PCDH15: variants seen among roughly 807,000 people sequenced by gnomAD.
PCDH15 encodes the protein protocadherin-15.
PCDH15 carries 129 observed loss-of-function variants against 178.5 expected under a neutral mutation model. The ratio of observed to expected loss-of-function variants is 0.72; its 90% CI spans 0.63 to 0.84. The LOEUF is 0.84. PCDH15 is among the 40% of genes least tolerant of loss of function. The pLI is 0.00. For missense variants in PCDH15, 2,230 were observed against 2,099.9 expected, an observed-to-expected ratio of 1.06 and a Z score of -1.21; for synonymous variants, 800 against 732.0, an observed-to-expected ratio of 1.09 and a Z score of -1.50.
intron 5 of PCDH15, among the ~76,000 whole-genome samples, chr10:54,359,120 C>G (rs558973891): frequency 6.6e-6 from 1 of 151,812 alleles, no homozygotes; most frequent in South Asian, 2.1e-4. Context: ...TGTAACTAAC[C>G]TGCACATTGT....
At chr10:55,008,774 G>A (rs1839986280) in intron 2 of PCDH15, among the ~76,000 whole-genome samples, 1 of 151,950 alleles carries the variant, frequency 6.6e-6, no homozygotes, top group African/African-American at 2.4e-5. Flanking sequence ...TTGGTGATTA[G>A]TCAAATAATT....
chr10:55,175,599 G>A (rs1016974646), intron 1 of PCDH15, among the ~76,000 whole-genome samples: 2 of 146,942 alleles, frequency 1.4e-5, no homozygotes, highest in South Asian at 4.2e-4. Context: ...CCGGGAGGCA[G>A]AGGTTGCAGT....
At chr10:54,451,234 A>G (rs2076459597) in intron 3 of PCDH15, among the ~76,000 whole-genome samples, 1 of 151,874 alleles carries the variant, frequency 6.6e-6, no homozygotes, top group Non-Finnish European at 1.5e-5. Flanking sequence ...GCACTTGGAA[A>G]CTATTTATAA....
At chr10:54,143,580 C>A (rs1564522932) in intron 14 of PCDH15, among the ~76,000 whole-genome samples, 1 of 152,096 alleles carries the variant, frequency 6.6e-6, no homozygotes, top group Non-Finnish European at 1.5e-5. Context: ...AGATTGTTAA[C>A]CCAACATGAA....
chr10:55,082,879 A>C (rs1842077848), intron 2 of PCDH15, among the ~76,000 whole-genome samples: 1 of 151,962 alleles, frequency 6.6e-6, no homozygotes, highest in South Asian at 2.1e-4. Context: ...GGCCAATAGC[A>C]AGTAATGAGA....
At chr10:55,316,307 T>C (rs1268355901) in intron 1 of PCDH15, among the ~76,000 whole-genome samples, 1 of 152,096 alleles carries the variant, frequency 6.6e-6, no homozygotes, top group African/African-American at 2.4e-5. Flanking sequence ...CACAAAGAGA[T>C]TCACAACCTA....
chr10:53,840,068 C>T (rs1186397739), intron 29 of PCDH15, among the ~76,000 whole-genome samples: 4 of 152,140 alleles, frequency 2.6e-5, no homozygotes, highest in Non-Finnish European at 5.9e-5. Flanking sequence ...GGAGCTGTTC[C>T]TTGTTCTTAA....
intron 13 of PCDH15, among the ~76,000 whole-genome samples, chr10:54,179,216 C>CA (rs894819863): frequency 6.6e-6 from 1 of 150,672 alleles, no homozygotes; most frequent in African/African-American, 2.4e-5. Context: ...GGCACATATA[C>CA]ACCATGGAAT....
chr10:54,518,358 A>C (rs1017971936), intron 3 of PCDH15, among the ~76,000 whole-genome samples: 14 of 148,520 alleles, frequency 9.4e-5, no homozygotes, highest in Non-Finnish European at 1.9e-4. Flanking sequence ...AAATAGACGC[A>C]ATAAAAATGA....
At position 54,475,580 on chromosome 10, in the gene PCDH15, AATC is replaced by A. The variant is rs753552620; in HGVS notation, c.157+52229_157+52231del. On this transcript the variant is annotated intron_variant, in intron 3 of 37. Transcript: ENST00000644397. ...GACCTTTAAACAGTACAGCAATTAT[AATC>A]ATATTATATTTTTTTCTGAAATATA... Among the ~76,000 whole-genome samples, 166 of 152,110 alleles carry A rather than the reference AATC, an allele frequency of 1.1e-3. 1 individual carries two copies. Among genetic ancestry groups the A allele is most frequent in the Non-Finnish European group, 2.2e-3 (149 of 67,914 alleles).
chr10:55,304,500 T>C (rs1449363941), intron 1 of PCDH15, among the ~76,000 whole-genome samples: 1 of 152,230 alleles, frequency 6.6e-6, no homozygotes, highest in African/African-American at 2.4e-5. Context: ...TAACATGTTT[T>C]TAAGTTGTAC....
chr10:54,316,054 A>G (rs1397304755), intron 8 of PCDH15, among the ~76,000 whole-genome samples: 1 of 151,772 alleles, frequency 6.6e-6, no homozygotes, highest in Non-Finnish European at 1.5e-5. Flanking sequence ...TATTTTGTCC[A>G]GTCAAGTTCT....
intron 2 of PCDH15, among the ~76,000 whole-genome samples, chr10:55,409,307 T>G (rs1838277989): frequency 6.6e-6 from 1 of 152,162 alleles, no homozygotes; most frequent in African/African-American, 2.4e-5. Flanking sequence ...TGATGACTAC[T>G]CCATTCTTTT....
chr10:54,949,222 T>C (rs1024912558), intron 2 of PCDH15, among the ~76,000 whole-genome samples: 12 of 151,954 alleles, frequency 7.9e-5, no homozygotes, highest in Non-Finnish European at 1.5e-4. Context: ...AGTTAATTGA[T>C]ACACAGCTCA....
intron 5 of PCDH15, among the ~76,000 whole-genome samples, chr10:54,358,860 A>G (rs1009303863): frequency 6.6e-6 from 1 of 151,910 alleles, no homozygotes; most frequent in Non-Finnish European, 1.5e-5. Context: ...TGTCCTTTGT[A>G]GGGACATGGA....
In PCDH15 at chr10:53,806,478, C is replaced by A; in HGVS notation, c.*101G>T. 9.9e-7 allele frequency: 1 copy of A among 1,006,202 alleles called. No individual in the cohort carries two copies. Among genetic ancestry groups the A allele is most frequent in the Non-Finnish European group, 1.4e-6 (1 of 699,342 alleles). The allele number at this position is 1,006,202 out of a possible 1,614,324, so 62.3% of individuals were successfully genotyped here. A position where few individuals can be genotyped will look rare whatever the true frequency, so the allele number is the denominator to read the frequency against. On this transcript the variant is annotated 3_prime_UTR_variant, in exon 38 of 38. Transcript: ENST00000644397. ...ATTGTTCAAAGTTTTAGCTTGTGTG[C>A]ATGATATAAATTCCATACATTGTTT...
intron 3 of PCDH15, among the ~76,000 whole-genome samples, chr10:54,503,066 A>G (rs1418366): frequency 0.064 from 9,737 of 151,566 alleles, 540 homozygotes; most frequent in East Asian, 0.28. Context: ...TAAGCTTGCT[A>G]TAAAATCTTA....
intron 3 of PCDH15, among the ~76,000 whole-genome samples, chr10:54,811,716 G>A (rs1309929753): frequency 2.6e-5 from 4 of 152,004 alleles, no homozygotes; most frequent in Admixed American, 6.5e-5. Context: ...TGATCCACCC[G>A]CCTCCGCCTC....
intron 10 of PCDH15, among the ~76,000 whole-genome samples, chr10:54,207,810 T>C (rs1289877689): frequency 1.3e-5 from 2 of 152,136 alleles, no homozygotes; most frequent in African/African-American, 4.8e-5. Context: ...ACTTACTCTG[T>C]TACACTTAAG....
Sources: gnomAD v4.1 joint callset for allele counts (sites outside exome capture counted in the v4.1 genomes callset) on GRCh38, gnomAD v4.1.1 for gene constraint, MANE v1.5 for transcripts, NCBI Gene and HGNC (gene_info 2026-07-23, HGNC 2026-07-21) for gene names.